The following GPC5 variants were observed in gnomAD, a reference collection of about 807,000 sequenced individuals.
GPC5 encodes glypican 5.
GPC5 carries 47 observed loss-of-function variants against 53.9 expected under a neutral mutation model. That is an observed-to-expected ratio of 0.87 (90% CI 0.69 to 1.11). The LOEUF is 1.11. Ranked by LOEUF, GPC5 falls within the 50% of genes most tolerant of loss-of-function variation. The probability of loss-of-function intolerance (pLI) is 0.00; values close to 1 mark genes in which losing one functional copy is unlikely to be tolerated. For missense variants in GPC5, 748 were observed against 713.1 expected, an observed-to-expected ratio of 1.05 and a Z score of -0.56; for synonymous variants, 286 against 263.3, an observed-to-expected ratio of 1.09 and a Z score of -0.84.
chr13:92,066,520 G>T (rs7321234), intron 6 of GPC5, among the ~76,000 whole-genome samples: 84,106 of 151,512 alleles, frequency 0.56, 23,651 homozygotes, highest in East Asian at 0.79. Context: ...TAACTTTCAC[G>T]TGAGTTTTGA....
At chr13:92,016,192 G>A (rs1010789985) in intron 6 of GPC5, among the ~76,000 whole-genome samples, 1 of 152,232 alleles carries the variant, frequency 6.6e-6, no homozygotes, top group African/African-American at 2.4e-5. Context: ...CAGACTTTTG[G>A]TGGAAAGGGT....
intron 2 of GPC5, among the ~76,000 whole-genome samples, chr13:91,677,408 C>A (rs1297667378): frequency 2.6e-5 from 4 of 152,080 alleles, no homozygotes; most frequent in Non-Finnish European, 4.4e-5. Flanking sequence ...GGTGCCTTAG[C>A]TATAAGGCCA....
At chr13:92,355,801 C>T (rs890542952) in intron 7 of GPC5, among the ~76,000 whole-genome samples, 1 of 151,548 alleles carries the variant, frequency 6.6e-6, no homozygotes, top group African/African-American at 2.4e-5. Flanking sequence ...CACTACTCAC[C>T]ACCTCCTTCA....
At position 91,728,642 on chromosome 13, in the gene GPC5, A is replaced by G. The variant is rs368443286; in HGVS notation, c.1131A>G (p.Glu377=). The G allele has an allele frequency of 8.7e-6, 14 of 1,611,780 alleles. No homozygotes were observed. In the African/African-American group the frequency reaches 1.9e-4, roughly 22 times the overall value. ...TGAAGACCACCACAAGGAACAGTGAAGAGACGCTTGCCAACAGAAGAAAGT... is the reference window on the plus strand; with the variant it reads ...TGAAGACCACCACAAGGAACAGTGAGGAGACGCTTGCCAACAGAAGAAAGT... ...HGMKTTTRNS[E]ETLANRRKEF... The change falls in exon 4 of 8, where the codon GAA becomes GAG. Residue 377 remains glutamate, a synonymous_variant. Coordinates refer to ENST00000377067, the MANE Select transcript of GPC5 (RefSeq NM_004466.6).
At chr13:91,970,918 TA>T (rs1250996715) in intron 6 of GPC5, among the ~76,000 whole-genome samples, 5 of 152,260 alleles carry the variant, frequency 3.3e-5, no homozygotes, top group Middle Eastern at 3.2e-3. Context: ...GATATTGGTC[TA>T]AAGTTCTCTT....
At chr13:92,134,079 T>A (rs1159509739) in intron 6 of GPC5, among the ~76,000 whole-genome samples, 1 of 152,178 alleles carries the variant, frequency 6.6e-6, no homozygotes, top group African/African-American at 2.4e-5. Flanking sequence ...TAGAGTGTGG[T>A]TAATAGAATG....
chr13:92,478,778 A>G (rs535205486), intron 7 of GPC5, among the ~76,000 whole-genome samples: 23 of 152,210 alleles, frequency 1.5e-4, no homozygotes, highest in African/African-American at 4.8e-4. Flanking sequence ...ATAGGAATCT[A>G]TCCAGCGGCA....
At chr13:92,376,317 T>C (rs1363990481) in intron 7 of GPC5, among the ~76,000 whole-genome samples, 1 of 152,228 alleles carries the variant, frequency 6.6e-6, no homozygotes, top group African/African-American at 2.4e-5. Context: ...AACGATCTGG[T>C]GGAGCATATT....
At chr13:92,804,172 T>C (rs1299936673) in intron 7 of GPC5, among the ~76,000 whole-genome samples, 2 of 151,974 alleles carry the variant, frequency 1.3e-5, no homozygotes, top group Admixed American at 1.3e-4. Flanking sequence ...TCCTGTAATA[T>C]TTAGTGCTAA....
Position 92,317,009 on chromosome 13 carries a change from AAT to A in GPC5, c.1561+172022_1561+172023del, listed in dbSNP as rs369093289. Among the ~76,000 whole-genome samples, 419 of 152,324 alleles carry A rather than the reference AAT, an allele frequency of 2.8e-3. 2 individuals are homozygous for A. Among genetic ancestry groups the A allele is most frequent in the Non-Finnish European group, 4.1e-3 (277 of 68,036 alleles). ...ATCTTTCTTGTTTATTCTATCTTAA[AAT>A]AAACTACAGAAAATTCTATTTCAAG... On this transcript the variant is annotated intron_variant, in intron 7 of 7. Coordinates refer to ENST00000377067, the MANE Select transcript of GPC5 (RefSeq NM_004466.6).
chr13:92,562,827 G>A (rs982446831), intron 7 of GPC5, among the ~76,000 whole-genome samples: 2 of 151,922 alleles, frequency 1.3e-5, no homozygotes, highest in African/African-American at 4.8e-5. Context: ...TAAAACCATG[G>A]CATTCATACT....
chr13:91,761,366 G>T (rs57666164), intron 5 of GPC5, among the ~76,000 whole-genome samples: 3,724 of 151,836 alleles, frequency 0.025, 145 homozygotes, highest in African/African-American at 0.083. Flanking sequence ...AAATTGTGGG[G>T]TTTTTTTTCA....
At chr13:92,813,362 GTTTTAAATAAAAACGTAGT>G (rs1028202374) in intron 7 of GPC5, among the ~76,000 whole-genome samples, 1 of 151,908 alleles carries the variant, frequency 6.6e-6, no homozygotes, top group African/African-American at 2.4e-5. Context: ...TAATGAACAC[GTTTTAAATAAAAACGTAGT>G]TCTTACTTGA....
At chr13:92,621,067 G>A (rs1385183586) in intron 7 of GPC5, among the ~76,000 whole-genome samples, 1 of 152,154 alleles carries the variant, frequency 6.6e-6, no homozygotes, top group Non-Finnish European at 1.5e-5. Flanking sequence ...GCTGGGGTGA[G>A]GTCAACATCT....
At position 92,673,840 on chromosome 13, in the gene GPC5, CATGTT is replaced by C. The variant is rs148527764; in HGVS notation, c.1562-192440_1562-192436del. On this transcript the variant is annotated intron_variant, in intron 7 of 7. Transcript: ENST00000377067. ...GGTATTAGAGTTTCAGAAAGCTAGT[CATGTT>C]AAAAAACACTTTTCAAATCAAGGCT... Among the ~76,000 whole-genome samples the C allele has an allele frequency of 6.2e-3, 943 of 152,180 alleles. 7 individuals are homozygous for C. The highest frequency in any genetic ancestry group is 0.021 in the African/African-American group (882 of 41,530).
chr13:92,547,017 T>C (rs887516326), intron 7 of GPC5, among the ~76,000 whole-genome samples: 6 of 152,058 alleles, frequency 3.9e-5, no homozygotes, highest in Non-Finnish European at 8.8e-5. Flanking sequence ...AAAAATTAAT[T>C]CTAGATGGAT....
At chr13:91,763,069 T>G in intron 5 of GPC5, among the ~76,000 whole-genome samples, 1 of 152,190 alleles carries the variant, frequency 6.6e-6, no homozygotes, top group South Asian at 2.1e-4. Context: ...AGTAATTCTT[T>G]GAAGATAACA....
At chr13:92,465,867 G>C (rs1878671092) in intron 7 of GPC5, among the ~76,000 whole-genome samples, 1 of 151,748 alleles carries the variant, frequency 6.6e-6, no homozygotes, top group African/African-American at 2.4e-5. Context: ...AGACACAGAA[G>C]GATAAATACT....
At chr13:91,609,090 T>A in intron 2 of GPC5, among the ~76,000 whole-genome samples, 1 of 123,658 alleles carries the variant, frequency 8.1e-6, no homozygotes, top group Non-Finnish European at 1.7e-5. Flanking sequence ...GGAAGGAAAA[T>A]CAATCTTTCA....
Sources: allele counts gnomAD v4.1 joint callset (sites outside exome capture counted in the v4.1 genomes callset), GRCh38; gene constraint gnomAD v4.1.1; transcripts MANE v1.5; gene names NCBI Gene and HGNC (gene_info 2026-07-23, HGNC 2026-07-21).